STRA6: variants seen among roughly 807,000 people sequenced by gnomAD.
STRA6 encodes the protein receptor for retinol uptake STRA6.
In STRA6, 48 loss-of-function variants were observed where a neutral mutation model predicts 83.6. The observed-to-expected ratio is 0.57, with a 90% CI of 0.46 to 0.73. The LOEUF is 0.73. Among genes scored for constraint, STRA6 ranks in the 30% least tolerant of loss-of-function variants. STRA6 has a pLI of 0.00. For synonymous variants in STRA6, 353 were observed against 362.3 expected, an observed-to-expected ratio of 0.97 and a Z score of 0.29; for missense variants, 760 against 838.8, an observed-to-expected ratio of 0.91 and a Z score of 1.16.
At chr15:74,196,205 A>C in intron 4 of STRA6, 58 bp from the exon 5 acceptor site, 1 of 1,601,930 alleles carries the variant, frequency 6.2e-7, no homozygotes, top group South Asian at 1.1e-5. Context: ...CACCCCCATT[A>C]CCTCCCAGCT....
chr15:74,197,669 C>T (rs1466320012), intron 3 of STRA6, 83 bp downstream of exon 3: 3 of 1,551,970 alleles, frequency 1.9e-6, no homozygotes, highest in Admixed American at 1.7e-5. Context: ...GGCCCCCCTT[C>T]ACCAGCCCCA....
At chr15:74,210,508 TAAA>T (rs1482765662), upstream of STRA6, among the ~76,000 whole-genome samples, 1 of 152,218 alleles carries the variant, frequency 6.6e-6, no homozygotes, top group Non-Finnish European at 1.5e-5. Context: ...TGTGTACACA[TAAA>T]AAGTGAATCT....
At position 74,182,384 on chromosome 15, in the gene STRA6, A is replaced by T. The variant is rs753144270; in HGVS notation, c.1377T>A (p.His459Gln). 1 of 1,613,808 alleles carries T rather than the reference A, an allele frequency of 6.2e-7. No homozygotes were observed. The highest frequency in any genetic ancestry group is 2.2e-5 in the East Asian group (1 of 44,882). ...AACGGAAGAGCAGGAGGTTCCTGCC[A>T]TGGAGCACAGGCATGAGCACCAGGA... ...LAFLVLMPVLHGRNLLLFRSL... is the reference protein window; with the variant it reads ...LAFLVLMPVLQGRNLLLFRSL... Residue 459 changes from histidine (H) to glutamine (Q), a missense_variant, in exon 15 of 19, where the codon CAT becomes CAA. Transcript: ENST00000395105.
In STRA6 at chr15:74,197,781, G is replaced by C; in HGVS notation, c.151C>G (p.Leu51Val). Reference protein sequence around the residue: ...PSCHTSIPPGLYHACLASLSI... With the variant: ...PSCHTSIPPGVYHACLASLSI... Reference sequence around the variant, plus strand: ...AGCGAGGCCAGGCAGGCGTGGTACAGGCCGGGTGGTATGCTGGTGTGGCAG... The same window carrying C: ...AGCGAGGCCAGGCAGGCGTGGTACACGCCGGGTGGTATGCTGGTGTGGCAG... The change falls in exon 3 of 19, where the codon CTG (leucine) becomes GTG (valine). Residue 51 changes from leucine to valine, a missense_variant. Transcript: ENST00000395105. 3.1e-6 allele frequency: 5 copies of C among 1,613,712 alleles called. No homozygotes were observed. The highest frequency in any genetic ancestry group is 4.2e-6 in the Non-Finnish European group (5 of 1,180,034).
chr15:74,195,964 C>A, intron 5 of STRA6, 44 bp downstream of exon 5: 1 of 1,612,410 alleles, frequency 6.2e-7, no homozygotes. Context: ...CCACCCTACC[C>A]CATCCCATCA....
chr15:74,191,827 T>G, intron 8 of STRA6: 2 of 421,056 alleles, frequency 4.7e-6, no homozygotes, highest in Admixed American at 3.6e-5. Flanking sequence ...TGGCCTCTGC[T>G]AGCTGAAACT....
intron 1 of STRA6, 140 bp from the exon 2 acceptor site, chr15:74,202,422 A>T (rs1377264734): frequency 3.3e-6 from 5 of 1,537,528 alleles, no homozygotes; most frequent in Non-Finnish European, 4.4e-6. Flanking sequence ...TCTTACTTTT[A>T]GCTCTCTGGG....
chr15:74,182,557 G>T, intron 14 of STRA6, 97 bp from the exon 15 acceptor site: 1 of 1,029,320 alleles, frequency 9.7e-7, no homozygotes, highest in Non-Finnish European at 1.5e-6. Context: ...GGATTGGGCA[G>T]GCCTGGTTTT....
At position 74,180,122 on chromosome 15, in the gene STRA6, G is replaced by A; in HGVS notation, c.1962C>T (p.Phe654=). Residue 654 remains phenylalanine (F), a synonymous_variant, in exon 19 of 19, where the codon TTC becomes TTT. Transcript: ENST00000395105. ...TGGCACCCAACAGGGCCGTCTTGCGGAAGACCTGCAGGGTTGGGTTGTGCA... is the reference window on the plus strand; with the variant it reads ...TGGCACCCAACAGGGCCGTCTTGCGAAAGACCTGCAGGGTTGGGTTGTGCA... ...TLLHNPTLQV[F]RKTALLGANG... The A allele has an allele frequency of 6.8e-6, 11 of 1,613,762 alleles. No homozygotes were observed. The highest frequency in any genetic ancestry group is 9.3e-6 in the Non-Finnish European group (11 of 1,179,752).
In STRA6 at chr15:74,189,218, G is replaced by A. The variant is rs776370037; in HGVS notation, c.987C>T (p.Val329=). The change falls in exon 12 of 19, where the codon GTC becomes GTT. Residue 329 remains valine, a synonymous_variant. Transcript: ENST00000395105. ...VPTIQKVRAG[V]TTDVSYLLAG... ...CCAGCAGGTAGGAGACATCCGTGGT[G>A]ACCCCTGCCCTCACCTTCTGGATAG... The A allele has an allele frequency of 6.2e-7, 1 of 1,612,228 alleles. No individual in the cohort carries two copies. Among genetic ancestry groups the A allele is most frequent in the East Asian group, 2.2e-5 (1 of 44,846 alleles).
At chr15:74,200,796 A>G (rs1174967787) in intron 2 of STRA6, among the ~76,000 whole-genome samples, 3 of 152,226 alleles carry the variant, frequency 2.0e-5, no homozygotes, top group Non-Finnish European at 2.9e-5. Flanking sequence ...TGTCACCCAC[A>G]TGAGGGACTG....
chr15:74,200,332 G>A (rs749211903), intron 2 of STRA6, among the ~76,000 whole-genome samples: 9 of 152,232 alleles, frequency 5.9e-5, no homozygotes, highest in Admixed American at 3.9e-4. Flanking sequence ...GACAGGCAGC[G>A]TGGCTGGGGC....
In STRA6 at chr15:74,195,326, C is replaced by A. The variant is rs774465262; in HGVS notation, c.573G>T (p.Arg191Ser). 1 of 1,613,098 alleles carries A rather than the reference C, an allele frequency of 6.2e-7. No homozygotes were observed. Among genetic ancestry groups the A allele is most frequent in the South Asian group, 1.1e-5 (1 of 90,980 alleles). Residue 191 changes from arginine to serine, a missense_variant, in exon 7 of 19, where the codon AGG (arginine) becomes AGT (serine). Coordinates refer to ENST00000395105, the MANE Select transcript of STRA6 (RefSeq NM_022369.4). ...WAHLGVQVWQ[R>S]AECPQVPKIY... is the part of the protein sequence containing the mutation. ...CCTTGGGCACCTGGGGACACTCTGCCCTCTGCCAGACCTGGACCCCAAGGT... is the reference window on the plus strand; with the variant it reads ...CCTTGGGCACCTGGGGACACTCTGCACTCTGCCAGACCTGGACCCCAAGGT...
chr15:74,203,848 G>A (rs1022056445), upstream of STRA6, among the ~76,000 whole-genome samples: 1 of 151,964 alleles, frequency 6.6e-6, no homozygotes, highest in Admixed American at 6.6e-5. Context: ...GAACCTTTCC[G>A]TGGTGATCTG....
Position 74,196,053 on chromosome 15 carries a change from C to T in STRA6, c.361G>A (p.Glu121Lys), listed in dbSNP as rs377309739. ...AGAGTCAGGAAGGGCAATGCGTCCTCGTCGGGGAGCAGCAAACACAGGGAG... is the reference window on the plus strand; with the variant it reads ...AGAGTCAGGAAGGGCAATGCGTCCTTGTCGGGGAGCAGCAAACACAGGGAG... Reference protein sequence around the residue: ...LSSLCLLLPDEDALPFLTLAS... With the variant: ...LSSLCLLLPDKDALPFLTLAS... Residue 121 changes from glutamate to lysine, a missense_variant, in exon 5 of 19, where the codon GAG (glutamate) becomes AAG (lysine). Glu to Lys is a moderately conservative substitution (Grantham distance 56). Coordinates refer to ENST00000395105, the MANE Select transcript of STRA6 (RefSeq NM_022369.4). 1.1e-5 allele frequency: 17 copies of T among 1,613,840 alleles called. No individual in the cohort carries two copies. The highest frequency in any genetic ancestry group is 2.7e-5 in the African/African-American group (2 of 74,870).
Position 74,179,811 on chromosome 15 carries a change from G to A in STRA6, c.*269C>T. ...GGTAGGGAGACGCCTGGATGTGGCTGCCCTGGCTCAACTGGCTCCTGGACC... is the reference window on the plus strand; with the variant it reads ...GGTAGGGAGACGCCTGGATGTGGCTACCCTGGCTCAACTGGCTCCTGGACC... On this transcript the variant is annotated 3_prime_UTR_variant, in exon 19 of 19. Transcript: ENST00000395105. 1 of 460,970 alleles carries A rather than the reference G, an allele frequency of 2.2e-6. No individual in the cohort carries two copies. The highest frequency in any genetic ancestry group is 3.5e-5 in the Admixed American group (1 of 28,612). 28.6% of individuals were successfully genotyped at this position (460,970 alleles called of 1,614,324 possible).
At position 74,188,283 on chromosome 15, in the gene STRA6, C is replaced by T. The variant is rs983626758; in HGVS notation, c.1090+832G>A. On this transcript the variant is annotated intron_variant, in intron 12 of 18. Transcript: ENST00000395105. This position sits in a 1 kb window ranked among gnomAD's most constrained non-coding sequence, Gnocchi z 4.5. ...GGAGCAGCTACACCTCCACCTGCAA[C>T]GCTGGCAGCCCACGCTCTGACCACA... is the stretch of plus-strand genomic sequence containing the variant. Among the ~76,000 whole-genome samples, 15 of 152,372 alleles carry T rather than the reference C, an allele frequency of 9.8e-5. No homozygotes were observed. The highest frequency in any genetic ancestry group is 5.8e-4 in the East Asian group (3 of 5,186).
rs1190254090 is a variant in STRA6, at chr15:74,202,539, T to C, written c.-16+174A>G. 2.0e-5 allele frequency: 30 copies of C among 1,488,868 alleles called. No homozygotes were observed. The East Asian group carries it at 4.2e-4, about 21-fold the overall frequency. 92.2% of individuals were successfully genotyped at this position (1,488,868 alleles called of 1,614,324 possible). ...GCCCATCGCACTGGTCCTGCAGAGATAGCTGTCCCCTTGGGGCCCCGGGGC... is the reference window on the plus strand; with the variant it reads ...GCCCATCGCACTGGTCCTGCAGAGACAGCTGTCCCCTTGGGGCCCCGGGGC... On this transcript the variant is annotated intron_variant, in intron 1 of 18. Transcript: ENST00000395105.
Position 74,188,104 on chromosome 15 carries a change from C to G in STRA6, c.1090+1011G>C, listed in dbSNP as rs531274543. Among the ~76,000 whole-genome samples, 51 of 152,302 alleles carry G rather than the reference C, an allele frequency of 3.3e-4. No homozygotes were observed. Among genetic ancestry groups the G allele is most frequent in the African/African-American group, 1.2e-3 (50 of 41,558 alleles). ...AGCAGTTCCAGGGCAGCCTCTAGTA[C>G]GGGAACTGAGGTGCTCACGGAGATG... On this transcript the variant is annotated intron_variant, in intron 12 of 18. Transcript: ENST00000395105. The surrounding 1 kb of genome is among the most constrained non-coding windows in gnomAD (Gnocchi z 4.5).
Sources: gnomAD v4.1 joint callset for allele counts (sites outside exome capture counted in the v4.1 genomes callset) on GRCh38, gnomAD v4.1.1 for gene constraint, Gnocchi (gnomAD v3.1) non-coding constraint, MANE v1.5 for transcripts, NCBI Gene and HGNC (gene_info 2026-07-23, HGNC 2026-07-21) for gene names.